The following PWWP3A variants were observed in gnomAD, a reference collection of about 807,000 sequenced individuals.
PWWP3A encodes the protein PWWP domain-containing DNA repair factor 3A.
In PWWP3A, 53 loss-of-function variants were observed where a neutral mutation model predicts 79.0. The observed-to-expected ratio is 0.67, with a 90% CI of 0.54 to 0.84. The LOEUF (loss-of-function observed/expected upper bound fraction) is 0.84, where lower values mean the gene tolerates loss of function less well. Among genes scored for constraint, PWWP3A ranks in the 40% least tolerant of loss-of-function variants. The probability of loss-of-function intolerance (pLI) is 0.00; values close to 1 mark genes in which losing one functional copy is unlikely to be tolerated. For missense variants in PWWP3A, 973 were observed against 948.0 expected (o/e 1.03, Z -0.35); for synonymous variants, 443 against 394.4 (o/e 1.12, Z -1.46).
At position 1,360,920 on chromosome 19, in the gene PWWP3A, C is replaced by CAG; in HGVS notation, c.1004_1005dup (p.Val337LeufsTer2). 1.3e-6 allele frequency: 2 copies of CAG among 1,538,770 alleles called. No individual in the cohort carries two copies. The highest frequency in any genetic ancestry group is 1.8e-6 in the Non-Finnish European group (2 of 1,141,698). On this transcript the variant is annotated frameshift_variant, in exon 5 of 14. Transcript: ENST00000591337. LOFTEE classifies it high-confidence loss of function. This position sits in a 1 kb window ranked among gnomAD's most constrained non-coding sequence, Gnocchi z 4.4. ...CATCCCCCGGGCCGGGGCCAGGGCC[C>CAG]AGAGAGTCTGTGACCCCGCGCAGCA...
rs918041607 is a variant in PWWP3A at position 1,373,071 on chromosome 19, G to T, written c.1987-1G>T. On this transcript the variant is annotated splice_acceptor_variant, in intron 12 of 13. Coordinates refer to ENST00000591337, the MANE Select transcript of PWWP3A (RefSeq NM_001369789.1). LOFTEE classifies it high-confidence loss of function. ...CTATTGAGCCCCGTGCCCTCTCACA[G>T]GCCATCATCTGTGCGATCTCTGCGG... 2 of 1,614,112 alleles carry T rather than the reference G, an allele frequency of 1.2e-6. No homozygotes were observed. Among genetic ancestry groups the T allele is most frequent in the Non-Finnish European group, 1.7e-6 (2 of 1,180,008 alleles).
rs372894484 is a variant in PWWP3A at position 1,360,947 on chromosome 19, C to T, written c.1026C>T (p.Thr342=). The T allele has an allele frequency of 3.1e-5, 47 of 1,496,332 alleles. No individual in the cohort carries two copies. The African/African-American group carries it at 3.5e-4, about 11-fold the overall frequency. 92.7% of individuals were successfully genotyped at this position (1,496,332 alleles called of 1,614,324 possible). Residue 342 remains threonine, a synonymous_variant, in exon 5 of 14, where the codon ACC becomes ACT. Transcript: ENST00000591337. The surrounding 1 kb of genome is among the most constrained non-coding windows in gnomAD (Gnocchi z 4.4). ...GAGAGTCTGTGACCCCGCGCAGCAC[C>T]GCCAGGCTGGGCCCGCCTCCCTCCC... The part of the protein sequence containing the change: ...GPRESVTPRS[T]ARLGPPPSHA...
chr19:1,362,402 A>AGCG, intron 6 of PWWP3A, 51 bp downstream of exon 6: 1 of 1,479,676 alleles, frequency 6.8e-7, no homozygotes, highest in South Asian at 1.2e-5. Context: ...GCTCAGAGGC[A>AGCG]GCGGCGGCGG....
rs371207367 is a variant in PWWP3A at position 1,376,311 on chromosome 19, G to GTT, written c.2076-194_2076-193dup. The stretch of plus-strand genomic sequence containing the variant: ...CGGCTGTTTGTTTTTTTTTTTGTTT[G>GTT]TTTTTTTTTTTTTTTGGTATTTTTT... On this transcript the variant is annotated intron_variant, in intron 13 of 13. Transcript: ENST00000591337. Among the ~76,000 whole-genome samples the GTT allele has an allele frequency of 1.0e-4, 7 of 69,886 alleles. 1 individual carries two copies. Among genetic ancestry groups the GTT allele is most frequent in the Admixed American group, 3.9e-4 (2 of 5,102 alleles). The allele number at this position is 69,886 out of a possible 152,430, so 45.8% of individuals were successfully genotyped here. A position where few individuals can be genotyped will look rare whatever the true frequency, so the allele number is the denominator to read the frequency against.
At position 1,360,128 on chromosome 19, in the gene PWWP3A, C is replaced by T. The variant is rs772516828; in HGVS notation, c.215-8C>T. 1.3e-6 allele frequency: 2 copies of T among 1,543,790 alleles called. No homozygotes were observed. The highest frequency in any genetic ancestry group is 4.5e-5 in the East Asian group (2 of 44,336). ...GTAACCGGCATTGTGTATGTTCGGT[C>T]CTTGCAGCCTCACAGAATGAGGTTC... On this transcript the variant is annotated splice_region_variant and splice_polypyrimidine_tract_variant and intron_variant, in intron 4 of 13. Coordinates refer to ENST00000591337, the MANE Select transcript of PWWP3A (RefSeq NM_001369789.1). This position sits in a 1 kb window ranked among gnomAD's most constrained non-coding sequence, Gnocchi z 4.4.
At position 1,361,020 on chromosome 19, in the gene PWWP3A, A is replaced by G; in HGVS notation, c.1099A>G (p.Lys367Glu). Residue 367 changes from lysine to glutamate, a missense_variant, in exon 5 of 14, where the codon AAG (lysine) becomes GAG (glutamate). Physicochemically the swap from Lys to Glu is moderately conservative, Grantham distance 56 (BLOSUM62 1). Transcript: ENST00000591337. ...ATGTCTTCCTTGCCCGGATTCCCAG[A>G]AGCTGGAGAAAGGTAAAAGTTTCTC... Reference protein sequence around the residue: ...TRCLPCPDSQKLEKECQSSEE... With the variant: ...TRCLPCPDSQELEKECQSSEE... 7.0e-7 allele frequency: 1 copy of G among 1,427,606 alleles called. No individual in the cohort carries two copies. The highest frequency in any genetic ancestry group is 9.2e-7 in the Non-Finnish European group (1 of 1,088,304). 88.4% of individuals were successfully genotyped at this position (1,427,606 alleles called of 1,614,324 possible).
Position 1,377,293 on chromosome 19 carries a change from G to GCCTGT in PWWP3A, c.*722_*726dup, listed in dbSNP as rs1456517944. 1 of 152,816 alleles carries GCCTGT rather than the reference G, an allele frequency of 6.5e-6. No individual in the cohort carries two copies. Among genetic ancestry groups the GCCTGT allele is most frequent in the Non-Finnish European group, 1.5e-5 (1 of 68,568 alleles). The allele number at this position is 152,816 out of a possible 1,614,324, so 9.5% of individuals were successfully genotyped here. On this transcript the variant is annotated 3_prime_UTR_variant, in exon 14 of 14. Transcript: ENST00000591337. ...CGCCTCCACCTCCCCCGCCCGCCTG[G>GCCTGT]CCTGTCCTGAGTGCATTTCCCTGCA...
At chr19:1,355,732 C>T (rs1029828053) in intron 1 of PWWP3A, among the ~76,000 whole-genome samples, 18 of 151,856 alleles carry the variant, frequency 1.2e-4, no homozygotes, top group African/African-American at 3.9e-4. Flanking sequence ...CCTACCTCTG[C>T]TGGGAACCTC....
At chr19:1,359,091 TTGCC>T (rs1433802810) in intron 4 of PWWP3A, 3 of 219,916 alleles carry the variant, frequency 1.4e-5, no homozygotes, top group Non-Finnish European at 2.9e-5. Context: ...GAGAAAAGCT[TTGCC>T]TGAGTCCAGC....
At position 1,358,449 on chromosome 19, in the gene PWWP3A, A is replaced by C. The variant is rs778728257; in HGVS notation, c.199A>C (p.Ile67Leu). ...CCTAGAGAAGTCTCAAATTGAAGCCATTGCTTCCTCGTTAGGTAAGAGCGT... is the reference window on the plus strand; with the variant it reads ...CCTAGAGAAGTCTCAAATTGAAGCCCTTGCTTCCTCGTTAGGTAAGAGCGT... ...EILEKSQIEA[I>L]ASSLASQNEV... Residue 67 changes from isoleucine to leucine, a missense_variant, in exon 4 of 14, where the codon ATT becomes CTT. Coordinates refer to ENST00000591337, the MANE Select transcript of PWWP3A (RefSeq NM_001369789.1). 2 of 1,613,986 alleles carry C rather than the reference A, an allele frequency of 1.2e-6. No individual in the cohort carries two copies. Among genetic ancestry groups the C allele is most frequent in the African/African-American group, 2.7e-5 (2 of 74,926 alleles).
Position 1,378,275 on chromosome 19 carries a change from T to G in PWWP3A, c.*1699T>G, listed in dbSNP as rs2082441222. On this transcript the variant is annotated 3_prime_UTR_variant, in exon 14 of 14. Coordinates refer to ENST00000591337, the MANE Select transcript of PWWP3A (RefSeq NM_001369789.1). Reference sequence around the variant, plus strand: ...GAAAATCCTCCGGAGCCGCCCTCCATTGTGGGTTCCTGAGAGTAGGACACA... The same window carrying G: ...GAAAATCCTCCGGAGCCGCCCTCCAGTGTGGGTTCCTGAGAGTAGGACACA... The G allele has an allele frequency of 6.6e-6, 1 of 152,282 alleles. No homozygotes were observed. The highest frequency in any genetic ancestry group is 1.5e-5 in the Non-Finnish European group (1 of 68,074). The allele number at this position is 152,282 out of a possible 1,614,324, so 9.4% of individuals were successfully genotyped here.
Position 1,364,588 on chromosome 19 carries a change from A to G in PWWP3A, c.1284+9A>G. 1 of 1,585,568 alleles carries G rather than the reference A, an allele frequency of 6.3e-7. No homozygotes were observed. On this transcript the variant is annotated intron_variant, in intron 7 of 13. Coordinates refer to ENST00000591337, the MANE Select transcript of PWWP3A (RefSeq NM_001369789.1). ...CCTTCTGGCCAGCAGTGGTAAGAAC[A>G]GCTTCCTCCGTCTTCTCAGATGTAG...
Position 1,356,582 on chromosome 19 carries a change from G to C in PWWP3A, c.57+133G>C, listed in dbSNP as rs889381732. On this transcript the variant is annotated intron_variant, in intron 2 of 13. Transcript: ENST00000591337. ...CAGAACACGGTTGGCACTGATTCTC[G>C]TTCCCCATTTAATGGGGTTTTGGTC... 6 of 799,442 alleles carry C rather than the reference G, an allele frequency of 7.5e-6. No individual in the cohort carries two copies. The Admixed American group carries it at 1.5e-4, about 20-fold the overall frequency. 49.5% of individuals were successfully genotyped at this position (799,442 alleles called of 1,614,324 possible).
chr19:1,361,007 C>A lies in PWWP3A; in HGVS notation c.1086C>A (p.Cys362Ter). The A allele has an allele frequency of 7.0e-7, 1 of 1,432,042 alleles. No homozygotes were observed. 88.7% of individuals were successfully genotyped at this position (1,432,042 alleles called of 1,614,324 possible). A position where few individuals can be genotyped will look rare whatever the true frequency, so the allele number is the denominator to read the frequency against. The change falls in exon 5 of 14, where the codon TGC becomes TGA. Residue 362 changes from cysteine to a stop codon, truncating the protein, a stop_gained. Coordinates refer to ENST00000591337, the MANE Select transcript of PWWP3A (RefSeq NM_001369789.1). LOFTEE classifies it high-confidence loss of function. ...ASADATRCLP[C>*]PDSQKLEKEC... ...CGGATGCAACCAGATGTCTTCCTTG[C>A]CCGGATTCCCAGAAGCTGGAGAAAG...
chr19:1,370,892 C>T lies in PWWP3A; in HGVS notation c.1800C>T (p.Arg600=), dbSNP rs2082242100. 1.3e-6 allele frequency: 2 copies of T among 1,555,726 alleles called. No individual in the cohort carries two copies. Among genetic ancestry groups the T allele is most frequent in the Non-Finnish European group, 1.7e-6 (2 of 1,149,382 alleles). The part of the protein sequence containing the change: ...RAILKSRKPS[R]WLQTFLSSSQ... ...TCCTAAAGAGCAGGAAGCCATCTCG[C>T]TGGCTGCAGACCTTCCTGAGCTCCA... The change falls in exon 12 of 14, where the codon CGC becomes CGT. Residue 600 remains arginine, a synonymous_variant. Transcript: ENST00000591337.
Position 1,377,511 on chromosome 19 carries a change from G to T in PWWP3A, c.*935G>T, listed in dbSNP as rs1600138236. Reference sequence around the variant, plus strand: ...TGGAGGCCCAACCGCGCTCCCGTCTGGAGAAGCGGCTTCCGGGGTGTGGCT... The same window carrying T: ...TGGAGGCCCAACCGCGCTCCCGTCTTGAGAAGCGGCTTCCGGGGTGTGGCT... On this transcript the variant is annotated 3_prime_UTR_variant, in exon 14 of 14. Coordinates refer to ENST00000591337, the MANE Select transcript of PWWP3A (RefSeq NM_001369789.1). 6.6e-6 allele frequency: 1 copy of T among 152,442 alleles called. No homozygotes were observed. The highest frequency in any genetic ancestry group is 2.4e-5 in the African/African-American group (1 of 41,478). The allele number at this position is 152,442 out of a possible 1,614,324, so 9.4% of individuals were successfully genotyped here.
In PWWP3A at chr19:1,370,865, C is replaced by A; in HGVS notation, c.1773C>A (p.Ala591=). 6 of 1,560,720 alleles carry A rather than the reference C, an allele frequency of 3.8e-6. No homozygotes were observed. Among genetic ancestry groups the A allele is most frequent in the Non-Finnish European group, 5.2e-6 (6 of 1,152,132 alleles). The change falls in exon 12 of 14, where the codon GCC becomes GCA. Residue 591 remains alanine, a synonymous_variant. Coordinates refer to ENST00000591337, the MANE Select transcript of PWWP3A (RefSeq NM_001369789.1). The part of the protein sequence containing the change: ...KAKGAESHLR[A]ILKSRKPSRW... ...AGGGCGCGGAGAGCCACCTGCGGGC[C>A]ATCCTAAAGAGCAGGAAGCCATCTC...
rs906108450 is a variant in PWWP3A at position 1,360,898 on chromosome 19, C to T, written c.977C>T (p.Ser326Phe). 6.5e-7 allele frequency: 1 copy of T among 1,541,450 alleles called. No homozygotes were observed. The highest frequency in any genetic ancestry group is 8.7e-7 in the Non-Finnish European group (1 of 1,143,180). Reference protein sequence around the residue: ...LEPMAAGAAPSPGPGPGPRES... With the variant: ...LEPMAAGAAPFPGPGPGPRES... ...CCCATGGCAGCAGGGGCCGCACCAT[C>T]CCCCGGGCCGGGGCCAGGGCCCAGA... The change falls in exon 5 of 14, where the codon TCC (serine) becomes TTC (phenylalanine). Residue 326 changes from serine to phenylalanine, a missense_variant. Ser to Phe is a radical substitution (Grantham distance 155). Transcript: ENST00000591337. This position sits in a 1 kb window ranked among gnomAD's most constrained non-coding sequence, Gnocchi z 4.4.
intron 12 of PWWP3A, chr19:1,371,425 T>A (rs1254517519): frequency 1.4e-6 from 1 of 701,864 alleles, no homozygotes; most frequent in East Asian, 2.7e-5. Context: ...AGTTGGAAAT[T>A]CCCAAGTCAG....
Sources: gnomAD v4.1 joint callset for allele counts (sites outside exome capture counted in the v4.1 genomes callset) on GRCh38, gnomAD v4.1.1 for gene constraint, Gnocchi (gnomAD v3.1) non-coding constraint, MANE v1.5 for transcripts, NCBI Gene and HGNC (gene_info 2026-07-23, HGNC 2026-07-21) for gene names.